The following TOX variants were observed in gnomAD, a reference collection of about 807,000 sequenced individuals.
The protein encoded by TOX is thymocyte selection associated high mobility group box, also known as thymocyte selection-associated high mobility group box protein TOX.
Under a neutral mutation model 53.7 loss-of-function variants are expected in TOX, and 11 were observed. The observed-to-expected ratio is 0.20, with a 90% CI of 0.13 to 0.34. The LOEUF is 0.34. TOX is among the 10% of genes least tolerant of loss of function. The pLI is 1.00. For synonymous variants in TOX, 225 were observed against 245.3 expected, an observed-to-expected ratio of 0.92 and a Z score of 0.77; for missense variants, 570 against 664.6, an observed-to-expected ratio of 0.86 and a Z score of 1.56.
chr8:58,902,057 AT>A (rs1221639226), intron 3 of TOX, among the ~76,000 whole-genome samples: 3 of 152,110 alleles, frequency 2.0e-5, no homozygotes, highest in Admixed American at 6.6e-5. Flanking sequence ...CATTTTCTTG[AT>A]TCTGGTAACA....
Position 58,839,280 on chromosome 8 carries a change from G to A in TOX, c.694-969C>T, listed in dbSNP as rs181278057. 5.3e-5 allele frequency among the ~76,000 whole-genome samples: 8 copies of A among 152,278 alleles called. No individual in the cohort carries two copies. The East Asian group carries it at 1.5e-3, about 29-fold the overall frequency. On this transcript the variant is annotated intron_variant, in intron 4 of 8. Coordinates refer to ENST00000361421, the MANE Select transcript of TOX (RefSeq NM_014729.3). ...TTTGAAATGTGGCTAGAGTTAATCAGGAGCTAAATTTTTAACTTTGTTCAA... is the reference window on the plus strand; with the variant it reads ...TTTGAAATGTGGCTAGAGTTAATCAAGAGCTAAATTTTTAACTTTGTTCAA...
At chr8:58,863,946 T>C (rs879692647) in intron 3 of TOX, among the ~76,000 whole-genome samples, 15 of 151,900 alleles carry the variant, frequency 9.9e-5, no homozygotes, top group Non-Finnish European at 1.8e-4. Context: ...CTGCATTGCA[T>C]TAAAATTGCA....
At chr8:58,897,864 T>C (rs1461979432) in intron 3 of TOX, among the ~76,000 whole-genome samples, 1 of 152,148 alleles carries the variant, frequency 6.6e-6, no homozygotes, top group Non-Finnish European at 1.5e-5. Context: ...ATCAAAAGAT[T>C]GGCTAGTTCT....
chr8:59,105,834 A>C (rs1804890091), intron 1 of TOX, among the ~76,000 whole-genome samples: 1 of 152,346 alleles, frequency 6.6e-6, no homozygotes, highest in African/African-American at 2.4e-5. Flanking sequence ...AAGCTTATGT[A>C]TGGCATAATT....
chr8:59,109,919 C>G (rs749745582), intron 1 of TOX, among the ~76,000 whole-genome samples: 1 of 152,146 alleles, frequency 6.6e-6, no homozygotes, highest in Non-Finnish European at 1.5e-5. Flanking sequence ...TGCAAACTTT[C>G]TCTCCCTAAT....
intron 3 of TOX, among the ~76,000 whole-genome samples, chr8:58,926,792 G>C (rs946296645): frequency 2.6e-5 from 4 of 152,210 alleles, no homozygotes; most frequent in African/African-American, 9.6e-5. Context: ...TCTTCAGTTA[G>C]AGCTGCAGAA....
intron 3 of TOX, among the ~76,000 whole-genome samples, chr8:58,854,200 G>T (rs1810873167): frequency 6.6e-6 from 1 of 152,088 alleles, no homozygotes; most frequent in African/African-American, 2.4e-5. Context: ...GTAACTAATT[G>T]CTATCTTTAT....
At chr8:59,100,473 G>C (rs1217643491) in intron 1 of TOX, among the ~76,000 whole-genome samples, 5 of 152,176 alleles carry the variant, frequency 3.3e-5, no homozygotes, top group African/African-American at 1.2e-4. Context: ...AAGGTAATAA[G>C]AGCTTCAGGA....
At chr8:59,105,123 A>C (rs951811256) in intron 1 of TOX, among the ~76,000 whole-genome samples, 1 of 152,166 alleles carries the variant, frequency 6.6e-6, no homozygotes, top group Non-Finnish European at 1.5e-5. Context: ...AATTTTTTTT[A>C]AGAAGTTGAC....
At chr8:58,959,853 G>A in intron 2 of TOX, 90 bp downstream of exon 2, 3 of 1,308,310 alleles carry the variant, frequency 2.3e-6, no homozygotes, top group East Asian at 2.3e-5. Context: ...GATTGCGGCA[G>A]TTACTGATAG....
At chr8:59,041,072 C>CTGTG (rs762563448) in intron 1 of TOX, among the ~76,000 whole-genome samples, 1 of 68,142 alleles carries the variant, frequency 1.5e-5, no homozygotes, top group Non-Finnish European at 3.4e-5. Flanking sequence ...AAAAGGGACT[C>CTGTG]CGTGTGTGTG....
At chr8:59,067,723 G>A (rs1242447006) in intron 1 of TOX, among the ~76,000 whole-genome samples, 4 of 151,692 alleles carry the variant, frequency 2.6e-5, no homozygotes, top group East Asian at 1.9e-4. Context: ...AAATGGAGGC[G>A]CTTATTTCAT....
In TOX at chr8:58,851,531, G is replaced by T; in HGVS notation, c.686C>A (p.Thr229Asn). The T allele has an allele frequency of 1.2e-6, 2 of 1,612,666 alleles. No individual in the cohort carries two copies. The highest frequency in any genetic ancestry group is 1.7e-6 in the Non-Finnish European group (2 of 1,179,574). Reference protein sequence around the residue: ...SSVHEDEGDDTSKINGGEKRP... With the variant: ...SSVHEDEGDDNSKINGGEKRP... The stretch of plus-strand genomic sequence containing the variant: ...AAAATAACTTATTCATACCTTAGAG[G>T]TATCATCGCCTTCATCTTCATGCAC... Residue 229 changes from threonine to asparagine, a missense_variant, in exon 4 of 9, where the codon ACC becomes AAC. Around this residue, in one of 3 missense-constraint regions of TOX, gnomAD observed 282 missense variants for 315.0 expected, o/e 0.90. Coordinates refer to ENST00000361421, the MANE Select transcript of TOX (RefSeq NM_014729.3). The surrounding 1 kb of genome is among the most constrained non-coding windows in gnomAD (Gnocchi z 4.4).
intron 3 of TOX, among the ~76,000 whole-genome samples, chr8:58,894,480 AAG>A (rs1811608010): frequency 6.6e-6 from 1 of 152,248 alleles, no homozygotes; most frequent in African/African-American, 2.4e-5. Flanking sequence ...GAATAGGAGA[AAG>A]AGCTAAATTA....
chr8:59,085,188 C>G (rs1346150978), intron 1 of TOX, among the ~76,000 whole-genome samples: 2 of 152,210 alleles, frequency 1.3e-5, no homozygotes, highest in Non-Finnish European at 2.9e-5. Flanking sequence ...ATCCCTTTCA[C>G]TTTCATGTGC....
chr8:58,936,349 A>G (rs931800435), intron 3 of TOX, among the ~76,000 whole-genome samples: 1 of 152,090 alleles, frequency 6.6e-6, no homozygotes, highest in Non-Finnish European at 1.5e-5. Context: ...AACTCTTTCA[A>G]CTAAGAGTTC....
At chr8:58,928,826 T>C (rs1488068067) in intron 3 of TOX, among the ~76,000 whole-genome samples, 1 of 152,128 alleles carries the variant, frequency 6.6e-6, no homozygotes, top group African/African-American at 2.4e-5. Flanking sequence ...TATGATCCTA[T>C]CTCCATTTGG....
At chr8:58,826,789 A>T in intron 6 of TOX, 33 bp downstream of exon 6, 3 of 1,573,658 alleles carry the variant, frequency 1.9e-6, no homozygotes, top group Non-Finnish European at 2.6e-6. Flanking sequence ...AGATGGCCAC[A>T]ATCCTTCACA....
chr8:58,968,833 A>T (rs1812950208), intron 1 of TOX, among the ~76,000 whole-genome samples: 1 of 152,212 alleles, frequency 6.6e-6, no homozygotes, highest in African/African-American at 2.4e-5. Context: ...GGCACTGGAA[A>T]GGTTATGGGA....
Sources: allele counts gnomAD v4.1 joint callset (sites outside exome capture counted in the v4.1 genomes callset), GRCh38; gene constraint gnomAD v4.1.1; regional missense constraint gnomAD v4.1.1; non-coding constraint Gnocchi (gnomAD v3.1); transcripts MANE v1.5; gene names NCBI Gene and HGNC (gene_info 2026-07-23, HGNC 2026-07-21).